Variants in BACE2 observed in about 807,000 individuals in gnomAD.
BACE2 encodes the protein beta-secretase 2.
BACE2 carries 17 observed loss-of-function variants against 46.2 expected under a neutral mutation model. The observed-to-expected ratio is 0.37, with a 90% CI of 0.25 to 0.55. The LOEUF is 0.55. BACE2 is among the 20% of genes least tolerant of loss of function. The pLI, the probability that BACE2 is intolerant of heterozygous loss-of-function variation, is 0.82. For synonymous variants in BACE2, 277 were observed against 295.9 expected, an observed-to-expected ratio of 0.94 and a Z score of 0.66; for missense variants, 595 against 698.1, an observed-to-expected ratio of 0.85 and a Z score of 1.66.
intron 1 of BACE2, among the ~76,000 whole-genome samples, chr21:41,187,749 C>A (rs982019840): frequency 3.3e-5 from 5 of 152,140 alleles, no homozygotes; most frequent in Non-Finnish European, 5.9e-5. Context: ...TAAACAACCA[C>A]AAAACCGCCT....
At chr21:41,274,288 A>G (rs1340545004) in intron 8 of BACE2, among the ~76,000 whole-genome samples, 3 of 152,070 alleles carry the variant, frequency 2.0e-5, no homozygotes, top group African/African-American at 7.2e-5. Context: ...AAAGTAATCA[A>G]GCCTGTTTTC....
chr21:41,214,835 A>T (rs1041576687), intron 1 of BACE2, among the ~76,000 whole-genome samples: 1 of 152,126 alleles, frequency 6.6e-6, no homozygotes, highest in Admixed American at 6.5e-5. Flanking sequence ...TGGGGACATT[A>T]TCTGGAGAAG....
intron 1 of BACE2, among the ~76,000 whole-genome samples, chr21:41,194,290 A>G (rs574951035): frequency 6.6e-6 from 1 of 152,264 alleles, no homozygotes; most frequent in South Asian, 2.1e-4. Flanking sequence ...GCTGTCCATT[A>G]GGGTAGCTGT....
chr21:41,213,572 A>C (rs1986363522), intron 1 of BACE2, among the ~76,000 whole-genome samples: 1 of 152,184 alleles, frequency 6.6e-6, no homozygotes. Context: ...CAGGAGTTTG[A>C]GACCAGCCTG....
At chr21:41,176,763 A>G (rs894154253) in intron 1 of BACE2, 2 of 152,200 alleles carry the variant, frequency 1.3e-5, no homozygotes, top group African/African-American at 4.8e-5. Context: ...TTGGTGCTGA[A>G]CGTGTGTTTT....
chr21:41,177,281 C>G (rs1428542833), intron 1 of BACE2: 1 of 152,224 alleles, frequency 6.6e-6, no homozygotes, highest in African/African-American at 2.4e-5. Context: ...TCTCTAAAGG[C>G]CACTCAGGTG....
chr21:41,259,453 T>A (rs921454696), intron 8 of BACE2, among the ~76,000 whole-genome samples: 20 of 149,024 alleles, frequency 1.3e-4, no homozygotes, highest in Non-Finnish European at 2.7e-4. Flanking sequence ...TTTTTTTTTT[T>A]AAGTATTTAT....
At chr21:41,270,601 G>T (rs1363842678) in intron 8 of BACE2, among the ~76,000 whole-genome samples, 1 of 152,266 alleles carries the variant, frequency 6.6e-6, no homozygotes, top group African/African-American at 2.4e-5. Flanking sequence ...GTGTTATTTA[G>T]TTTCCAAATA....
chr21:41,193,513 T>C lies in BACE2; in HGVS notation c.312+24938T>C, dbSNP rs1056198524. 1.3e-5 allele frequency among the ~76,000 whole-genome samples: 2 copies of C among 152,234 alleles called. No homozygotes were observed. The highest frequency in any genetic ancestry group is 2.9e-5 in the Non-Finnish European group (2 of 68,050). ...ACCCCTGCATCCTTCAAGTCCTTGA[T>C]GGTGGCACTAATCTCCACAATCCCT... On this transcript the variant is annotated intron_variant, in intron 1 of 8. Transcript: ENST00000330333. The surrounding 1 kb of genome is among the most constrained non-coding windows in gnomAD (Gnocchi z 4.2).
chr21:41,212,689 T>C (rs898865761), intron 1 of BACE2, among the ~76,000 whole-genome samples: 2 of 152,194 alleles, frequency 1.3e-5, no homozygotes, highest in African/African-American at 4.8e-5. Flanking sequence ...TGTTTATTTT[T>C]GGTCAAGGGC....
In BACE2 at chr21:41,226,310, A is replaced by G. The variant is rs1986816143; in HGVS notation, c.357A>G (p.Ala119=). Residue 119 remains alanine (A), a synonymous_variant, in exon 2 of 9, where the codon GCA becomes GCG. Transcript: ENST00000330333. ...CTGGAAGCAGTAACTTTGCCGTGGC[A>G]GGAACCCCGCACTCCTACATAGACA... ...VDTGSSNFAV[A]GTPHSYIDTY... 6.2e-7 allele frequency: 1 copy of G among 1,614,158 alleles called. No homozygotes were observed. Among genetic ancestry groups the G allele is most frequent in the East Asian group, 2.2e-5 (1 of 44,888 alleles).
At chr21:41,200,204 A>C (rs568513236) in intron 1 of BACE2, among the ~76,000 whole-genome samples, 2 of 130,888 alleles carry the variant, frequency 1.5e-5, no homozygotes, top group African/African-American at 3.2e-5. Flanking sequence ...AAAAAAAACA[A>C]AAAAAAAACC....
chr21:41,246,363 G>C (rs1397877881), intron 6 of BACE2: 5 of 178,788 alleles, frequency 2.8e-5, no homozygotes, highest in Non-Finnish European at 5.8e-5. Flanking sequence ...ACTTGGATCT[G>C]AATGTGCAAT....
intron 6 of BACE2, among the ~76,000 whole-genome samples, chr21:41,248,238 T>C (rs1987529846): frequency 6.6e-6 from 1 of 152,160 alleles, no homozygotes; most frequent in Non-Finnish European, 1.5e-5. Context: ...AAATGGCTTC[T>C]AACTTTAACA....
chr21:41,235,187 GT>G (rs1987081728), intron 2 of BACE2, among the ~76,000 whole-genome samples: 1 of 152,170 alleles, frequency 6.6e-6, no homozygotes, highest in Admixed American at 6.5e-5. Flanking sequence ...GCTGGCCACT[GT>G]TAATATTTGA....
intron 1 of BACE2, chr21:41,180,389 G>A (rs1373265902): frequency 5.9e-6 from 1 of 169,806 alleles, no homozygotes; most frequent in African/African-American, 2.4e-5. Context: ...GAAGGGCGGA[G>A]ATCTGTTTTC....
At chr21:41,217,626 G>A (rs1344599495) in intron 1 of BACE2, among the ~76,000 whole-genome samples, 1 of 151,490 alleles carries the variant, frequency 6.6e-6, no homozygotes, top group Non-Finnish European at 1.5e-5. Flanking sequence ...CCTGGGTGCT[G>A]GACACGTTGT....
At chr21:41,227,933 C>T (rs561230791) in intron 2 of BACE2, among the ~76,000 whole-genome samples, 1 of 152,300 alleles carries the variant, frequency 6.6e-6, no homozygotes, top group East Asian at 1.9e-4. Context: ...TCCAACTGTT[C>T]ACTCTGGACT....
rs913430852 is a variant in BACE2 at position 41,192,040 on chromosome 21, T to C, written c.312+23465T>C. ...GTGTATAATCACACAGCTGGCCATT[T>C]CTCCTTCCATGCAAAGTGCACAACC... On this transcript the variant is annotated intron_variant, in intron 1 of 8. Transcript: ENST00000330333. Among the ~76,000 whole-genome samples, 6 of 152,300 alleles carry C rather than the reference T, an allele frequency of 3.9e-5. No homozygotes were observed. The South Asian group carries it at 1.2e-3, about 32-fold the overall frequency.
Sources: allele counts gnomAD v4.1 joint callset (sites outside exome capture counted in the v4.1 genomes callset), GRCh38; gene constraint gnomAD v4.1.1; non-coding constraint Gnocchi (gnomAD v3.1); transcripts MANE v1.5; gene names NCBI Gene and HGNC (gene_info 2026-07-23, HGNC 2026-07-21).